CASZ1: variants seen among roughly 807,000 people sequenced by gnomAD.
The protein encoded by CASZ1 is zinc finger protein castor homolog 1.
CASZ1 carries 28 observed loss-of-function variants against 135.2 expected under a neutral mutation model. The ratio of observed to expected loss-of-function variants is 0.21; its 90% CI spans 0.15 to 0.28. The LOEUF (loss-of-function observed/expected upper bound fraction) is 0.28. Ranked by LOEUF, CASZ1 falls within the 10% of genes least tolerant of loss-of-function variation. CASZ1 has a pLI of 1.00. For synonymous variants in CASZ1, 1,068 were observed against 1,073.4 expected (o/e 0.99, Z 0.10); for missense variants, 2,161 against 2,453.3 (o/e 0.88, Z 2.52).
At position 10,788,696 on chromosome 1, in the gene CASZ1, G is replaced by T. The variant is rs754261732; in HGVS notation, c.-234+7868C>A. Among the ~76,000 whole-genome samples, 4 of 152,146 alleles carry T rather than the reference G, an allele frequency of 2.6e-5. No individual in the cohort carries two copies. Among genetic ancestry groups the T allele is most frequent in the Admixed American group, 1.3e-4 (2 of 15,272 alleles). On this transcript the variant is annotated intron_variant, in intron 1 of 20. Coordinates refer to ENST00000377022, the MANE Select transcript of CASZ1 (RefSeq NM_001079843.3). This position sits in a 1 kb window ranked among gnomAD's most constrained non-coding sequence, Gnocchi z 4.1. The stretch of plus-strand genomic sequence containing the variant: ...GTCTTGGCAGCAAGTGTCCCTGACC[G>T]CTGCCTCCTCACCCGGGAGCTGCCC...
rs757915936 is a variant in CASZ1 at position 10,653,924 on chromosome 1, G to A, written c.2133C>T (p.Gly711=). The A allele has an allele frequency of 2.4e-5, 39 of 1,613,466 alleles. No individual in the cohort carries two copies. In the Admixed American group the frequency reaches 3.5e-4, roughly 14 times the overall value. The change falls in exon 11 of 21, where the codon GGC becomes GGT. Residue 711 remains glycine (G), a synonymous_variant. Coordinates refer to ENST00000377022, the MANE Select transcript of CASZ1 (RefSeq NM_001079843.3). ...GALGLPPSLL[G]AKDTEHEESS... ...ACTCCTCGTGCTCCGTGTCCTTGGC[G>A]CCCAGCAGCGAGGGCGGCAGCCCCA... is the stretch of plus-strand genomic sequence containing the variant.
chr1:10,730,636 T>C (rs1006095589), intron 2 of CASZ1, among the ~76,000 whole-genome samples: 4 of 152,204 alleles, frequency 2.6e-5, no homozygotes, highest in Non-Finnish European at 5.9e-5. Context: ...AGTGGGCCTG[T>C]CACTTCCAGG....
At position 10,694,977 on chromosome 1, in the gene CASZ1, C is replaced by G. The variant is rs1338447168; in HGVS notation, c.-23-1065G>C. Reference sequence around the variant, plus strand: ...ACGGCCGCCGCGCGCGCCTGCCCCACGACCCGCGCGGCCGCGCTAACTTTT... The same window carrying G: ...ACGGCCGCCGCGCGCGCCTGCCCCAGGACCCGCGCGGCCGCGCTAACTTTT... On this transcript the variant is annotated intron_variant, in intron 3 of 20. Transcript: ENST00000377022. The surrounding 1 kb of genome is among the most constrained non-coding windows in gnomAD (Gnocchi z 6.6). Among the ~76,000 whole-genome samples, 2 of 146,248 alleles carry G rather than the reference C, an allele frequency of 1.4e-5. No individual in the cohort carries two copies. The highest frequency in any genetic ancestry group is 4.9e-5 in the African/African-American group (2 of 40,556).
chr1:10,647,130 G>A lies in CASZ1; in HGVS notation c.3497+671C>T, dbSNP rs963344910. ...GGGAGGGGAGGCTGGTGGGGGGGAC[G>A]GAGAACAGTGCTGGGCCCCTTCCAT... On this transcript the variant is annotated intron_variant, in intron 16 of 20. Transcript: ENST00000377022. This position sits in a 1 kb window ranked among gnomAD's most constrained non-coding sequence, Gnocchi z 4.9. 10 of 580,132 alleles carry A rather than the reference G, an allele frequency of 1.7e-5. No homozygotes were observed. The highest frequency in any genetic ancestry group is 6.2e-5 in the Admixed American group (1 of 16,222). The allele number at this position is 580,132 out of a possible 1,614,324, so 35.9% of individuals were successfully genotyped here.
In CASZ1 at chr1:10,679,224, C is replaced by T. The variant is rs1335291465; in HGVS notation, c.17-13653G>A. On this transcript the variant is annotated intron_variant, in intron 4 of 20. Coordinates refer to ENST00000377022, the MANE Select transcript of CASZ1 (RefSeq NM_001079843.3). The surrounding 1 kb of genome is among the most constrained non-coding windows in gnomAD (Gnocchi z 4.7). ...GAAAGCATAGGCTGATCCTGGGAGC[C>T]TGCTGCCCTGCCAAAGGGCCCCTGC... is the stretch of plus-strand genomic sequence containing the variant. Among the ~76,000 whole-genome samples, 1 of 152,204 alleles carries T rather than the reference C, an allele frequency of 6.6e-6. No homozygotes were observed. Among genetic ancestry groups the T allele is most frequent in the Non-Finnish European group, 1.5e-5 (1 of 68,020 alleles).
chr1:10,778,537 A>G (rs1490621586), intron 1 of CASZ1, among the ~76,000 whole-genome samples: 1 of 151,956 alleles, frequency 6.6e-6, no homozygotes, highest in Non-Finnish European at 1.5e-5. Flanking sequence ...CACACGCAAA[A>G]CGATTTACAC....
chr1:10,705,838 C>T (rs904501764), intron 2 of CASZ1, among the ~76,000 whole-genome samples: 11 of 152,266 alleles, frequency 7.2e-5, no homozygotes, highest in Non-Finnish European at 1.5e-4. Flanking sequence ...AAGAGTCAGC[C>T]GTGCCGTGCA....
chr1:10,646,034 G>T lies in CASZ1; in HGVS notation c.3696+94C>A. The T allele has an allele frequency of 8.4e-7, 1 of 1,190,722 alleles. No homozygotes were observed. Among genetic ancestry groups the T allele is most frequent in the Non-Finnish European group, 1.2e-6 (1 of 813,758 alleles). The allele number at this position is 1,190,722 out of a possible 1,614,324, so 73.8% of individuals were successfully genotyped here. A position where few individuals can be genotyped will look rare whatever the true frequency, so the allele number is the denominator to read the frequency against. On this transcript the variant is annotated intron_variant, in intron 17 of 20. Transcript: ENST00000377022. This position sits in a 1 kb window ranked among gnomAD's most constrained non-coding sequence, Gnocchi z 6.4. ...AAATAAGCAAGGTGTGAGAAATGGA[G>T]CCTCTGCCAGGAGGTGACTGTCCTG...
At chr1:10,771,287 G>A (rs934510478) in intron 1 of CASZ1, among the ~76,000 whole-genome samples, 5 of 151,812 alleles carry the variant, frequency 3.3e-5, no homozygotes, top group African/African-American at 9.7e-5. Flanking sequence ...CGGGGGTGGC[G>A]GCAGGATAAA....
chr1:10,754,269 A>G (rs976810834), intron 2 of CASZ1, among the ~76,000 whole-genome samples: 2 of 152,290 alleles, frequency 1.3e-5, no homozygotes, highest in Non-Finnish European at 2.9e-5. Flanking sequence ...GCCATCCAGC[A>G]CATCCTTTAT....
At chr1:10,753,965 C>A (rs1011965591) in intron 2 of CASZ1, among the ~76,000 whole-genome samples, 2 of 152,180 alleles carry the variant, frequency 1.3e-5, no homozygotes, top group African/African-American at 4.8e-5. Context: ...GGCCCCCCAC[C>A]CTGACCCCCT....
intron 4 of CASZ1, 104 bp from the exon 5 acceptor site, chr1:10,665,675 T>C (rs1643213852): frequency 7.6e-7 from 1 of 1,307,222 alleles, no homozygotes; most frequent in African/African-American, 1.5e-5. Context: ...CCTCCCCCAT[T>C]GACCACAGTG....
At position 10,694,727 on chromosome 1, in the gene CASZ1, G is replaced by T. The variant is rs1196141381; in HGVS notation, c.-23-815C>A. Among the ~76,000 whole-genome samples the T allele has an allele frequency of 1.4e-5, 2 of 142,430 alleles. No homozygotes were observed. Among genetic ancestry groups the T allele is most frequent in the Non-Finnish European group, 3.1e-5 (2 of 63,768 alleles). 93.4% of individuals were successfully genotyped at this position (142,430 alleles called of 152,430 possible). A position where few individuals can be genotyped will look rare whatever the true frequency, so the allele number is the denominator to read the frequency against. On this transcript the variant is annotated intron_variant, in intron 3 of 20. Coordinates refer to ENST00000377022, the MANE Select transcript of CASZ1 (RefSeq NM_001079843.3). The surrounding 1 kb of genome is among the most constrained non-coding windows in gnomAD (Gnocchi z 6.6). ...CGCCGCGCGCGCCCGCGCCGCACTG[G>T]CAGGGCGGCCGGCTCCATTGGCTCT...
chr1:10,658,277 G>GCA, intron 7 of CASZ1: 1 of 530,772 alleles, frequency 1.9e-6, no homozygotes, highest in Non-Finnish European at 3.4e-6. Flanking sequence ...CTAACTGGGG[G>GCA]CACAGGCTGC....
intron 20 of CASZ1, 28 bp downstream of exon 20, chr1:10,642,831 C>A (rs1354209078): frequency 6.2e-7 from 1 of 1,608,070 alleles, no homozygotes; most frequent in East Asian, 2.2e-5. Context: ...GGGCCTGGCC[C>A]TGCCAGCAGC....
Position 10,719,481 on chromosome 1 carries a change from T to C in CASZ1, c.-76-13937A>G, listed in dbSNP as rs567334532. On this transcript the variant is annotated intron_variant, in intron 2 of 20. Transcript: ENST00000377022. The surrounding 1 kb of genome is among the most constrained non-coding windows in gnomAD (Gnocchi z 4.0). The stretch of plus-strand genomic sequence containing the variant: ...CTGCACACGCCATGCATTTAGAATC[T>C]GAGTGCTTGGGAGAAGGGATCCCTA... Among the ~76,000 whole-genome samples, 3 of 152,302 alleles carry C rather than the reference T, an allele frequency of 2.0e-5. No individual in the cohort carries two copies. In the East Asian group the frequency reaches 5.8e-4, roughly 29 times the overall value.
intron 2 of CASZ1, among the ~76,000 whole-genome samples, chr1:10,723,937 G>A (rs1456789221): frequency 6.6e-6 from 1 of 152,114 alleles, no homozygotes; most frequent in Non-Finnish European, 1.5e-5. Context: ...TTCTTTGGGG[G>A]TTCTTCCCGA....
At chr1:10,754,444 C>T (rs1410293203) in intron 2 of CASZ1, among the ~76,000 whole-genome samples, 1 of 152,150 alleles carries the variant, frequency 6.6e-6, no homozygotes, top group African/African-American at 2.4e-5. Context: ...GGACTTGGAC[C>T]ACCACCTCTT....
At position 10,736,803 on chromosome 1, in the gene CASZ1, G is replaced by A. The variant is rs113896101; in HGVS notation, c.-77+23898C>T. Among the ~76,000 whole-genome samples the A allele has an allele frequency of 7.9e-5, 12 of 152,316 alleles. 1 individual carries two copies. The highest frequency in any genetic ancestry group is 2.6e-4 in the African/African-American group (11 of 41,568). ...CAGTTAGACAGCCACAGCCCCACGT[G>A]TCCAATCCATCACTGAAGGACAGGG... is the stretch of plus-strand genomic sequence containing the variant. On this transcript the variant is annotated intron_variant, in intron 2 of 20. Coordinates refer to ENST00000377022, the MANE Select transcript of CASZ1 (RefSeq NM_001079843.3).
Sources: allele counts gnomAD v4.1 joint callset (sites outside exome capture counted in the v4.1 genomes callset), GRCh38; gene constraint gnomAD v4.1.1; non-coding constraint Gnocchi (gnomAD v3.1); transcripts MANE v1.5; gene names NCBI Gene and HGNC (gene_info 2026-07-23, HGNC 2026-07-21).